Variants in HDAC4 observed in about 807,000 individuals in gnomAD.
HDAC4 encodes histone deacetylase 4.
Under a neutral mutation model 135.1 loss-of-function variants are expected in HDAC4, and 16 were observed. The ratio of observed to expected loss-of-function variants is 0.12; its 90% CI spans 0.08 to 0.18. The LOEUF is 0.18. Among genes scored for constraint, HDAC4 ranks in the 10% least tolerant of loss-of-function variants. The pLI is 1.00. For missense variants in HDAC4, 1,143 were observed against 1,511.8 expected, an observed-to-expected ratio of 0.76 and a Z score of 4.05; for synonymous variants, 685 against 653.4, an observed-to-expected ratio of 1.05 and a Z score of -0.74.
chr2:239,252,037 C>T (rs1413686734), intron 2 of HDAC4, among the ~76,000 whole-genome samples: 2 of 152,192 alleles, frequency 1.3e-5, no homozygotes, highest in Non-Finnish European at 2.9e-5. Context: ...AAAAATAGAG[C>T]CACCACCAGG....
At chr2:239,287,406 G>T (rs2051199461) in intron 2 of HDAC4, among the ~76,000 whole-genome samples, 1 of 152,176 alleles carries the variant, frequency 6.6e-6, no homozygotes, top group Non-Finnish European at 1.5e-5. Context: ...ATGTTTTTGG[G>T]AGGAAGGTCA....
chr2:239,065,017 G>C (rs2033286433), intron 24 of HDAC4, among the ~76,000 whole-genome samples: 1 of 152,228 alleles, frequency 6.6e-6, no homozygotes, highest in Non-Finnish European at 1.5e-5. Context: ...CTCCTGTGCG[G>C]CCTGACGTTT....
rs2152971656 is a variant in HDAC4 at position 239,163,913 on chromosome 2, G to A, written c.501C>T (p.Ala167=). The A allele has an allele frequency of 6.2e-7, 1 of 1,614,088 alleles. No homozygotes were observed. Among genetic ancestry groups the A allele is most frequent in the Non-Finnish European group, 8.5e-7 (1 of 1,180,030 alleles). Residue 167 remains alanine (A), a synonymous_variant, in exon 6 of 27, where the codon GCC becomes GCT. Coordinates refer to ENST00000543185, the MANE Select transcript of HDAC4 (RefSeq NM_001378414.1). ...NKEKGKESAV[A]STEVKMKLQE... ...GTAACTTCATCTTCACTTCTGTGCTGGCCACGGCACCTGGCGTGGGAGAAA... is the reference window on the plus strand; with the variant it reads ...GTAACTTCATCTTCACTTCTGTGCTAGCCACGGCACCTGGCGTGGGAGAAA...
chr2:239,139,900 G>C lies in HDAC4; in HGVS notation c.866-104C>G, dbSNP rs2041244120. On this transcript the variant is annotated intron_variant, in intron 8 of 26. Coordinates refer to ENST00000543185, the MANE Select transcript of HDAC4 (RefSeq NM_001378414.1). This position sits in a 1 kb window ranked among gnomAD's most constrained non-coding sequence, Gnocchi z 5.3. ...GTGCCTTCCACGGACCTGCTCGTTA[G>C]CTTGCGACAGGCAGAAGTCCCAACA... 4.9e-6 allele frequency: 4 copies of C among 821,190 alleles called. No homozygotes were observed. Among genetic ancestry groups the C allele is most frequent in the Non-Finnish European group, 8.2e-6 (4 of 485,546 alleles). 50.9% of individuals were successfully genotyped at this position (821,190 alleles called of 1,614,324 possible). A position where few individuals can be genotyped will look rare whatever the true frequency, so the allele number is the denominator to read the frequency against.
intron 13 of HDAC4, among the ~76,000 whole-genome samples, chr2:239,112,902 C>T (rs2038801147): frequency 6.6e-6 from 1 of 152,226 alleles, no homozygotes; most frequent in African/African-American, 2.4e-5. Flanking sequence ...GAAACCAGAG[C>T]TACCCGGCCA....
chr2:239,216,069 T>C (rs185382916), intron 3 of HDAC4, among the ~76,000 whole-genome samples: 118 of 152,320 alleles, frequency 7.7e-4, no homozygotes, highest in African/African-American at 2.7e-3. Context: ...AGCATATATA[T>C]GTACATGTGC....
At chr2:239,365,127 A>T (rs1444774926) in intron 1 of HDAC4, among the ~76,000 whole-genome samples, 1 of 152,198 alleles carries the variant, frequency 6.6e-6, no homozygotes, top group African/African-American at 2.4e-5. Context: ...GCTATATGAC[A>T]TTTCTGACTC....
At position 239,253,824 on chromosome 2, in the gene HDAC4, T is replaced by C. The variant is rs565715207; in HGVS notation, c.23-17160A>G. ...CCTGGGGCCCAAGAGTCATCAGAAC[T>C]GGAGACAGGCACCAGGGAGCCAGTG... On this transcript the variant is annotated intron_variant, in intron 2 of 26. Coordinates refer to ENST00000543185, the MANE Select transcript of HDAC4 (RefSeq NM_001378414.1). Among the ~76,000 whole-genome samples, 403 of 152,094 alleles carry C rather than the reference T, an allele frequency of 2.6e-3. 1 individual carries two copies. Among genetic ancestry groups the C allele is most frequent in the African/African-American group, 8.8e-3 (366 of 41,490 alleles).
At chr2:239,314,367 G>A (rs568569788) in intron 2 of HDAC4, among the ~76,000 whole-genome samples, 15 of 152,162 alleles carry the variant, frequency 9.9e-5, no homozygotes, top group Non-Finnish European at 2.2e-4. Flanking sequence ...GGGTCAGGCT[G>A]GAGCTAGAGG....
chr2:239,137,928 G>A (rs1328061943), intron 9 of HDAC4, among the ~76,000 whole-genome samples: 2 of 152,092 alleles, frequency 1.3e-5, no homozygotes, highest in Non-Finnish European at 2.9e-5. Context: ...TTTACGTATC[G>A]TGATTTCTAA....
At chr2:239,399,066 C>G (rs1696761333) in intron 1 of HDAC4, among the ~76,000 whole-genome samples, 1 of 152,168 alleles carries the variant, frequency 6.6e-6, no homozygotes, top group Non-Finnish European at 1.5e-5. Context: ...CCCTCCCACA[C>G]AAATGTGAGT....
At chr2:239,243,508 CAATG>C (rs2048309153) in intron 2 of HDAC4, among the ~76,000 whole-genome samples, 2 of 152,136 alleles carry the variant, frequency 1.3e-5, no homozygotes, top group Admixed American at 6.5e-5. Flanking sequence ...TAGACAAAAA[CAATG>C]AAACCGCTGT....
At chr2:239,110,119 T>A (rs1229504541) in intron 14 of HDAC4, among the ~76,000 whole-genome samples, 2 of 152,130 alleles carry the variant, frequency 1.3e-5, no homozygotes, top group Non-Finnish European at 2.9e-5. Flanking sequence ...TGAAACAAAT[T>A]ATGTTTGTGT....
At chr2:239,290,524 G>C (rs2051402683) in intron 2 of HDAC4, among the ~76,000 whole-genome samples, 1 of 152,198 alleles carries the variant, frequency 6.6e-6, no homozygotes, top group Non-Finnish European at 1.5e-5. Context: ...AGGGGATTTA[G>C]AGTGTCAATC....
chr2:239,362,413 A>G (rs13007725), intron 1 of HDAC4, among the ~76,000 whole-genome samples: 1 of 152,330 alleles, frequency 6.6e-6, no homozygotes, highest in Admixed American at 6.5e-5. Context: ...TAAGCCATAA[A>G]CCTTCCAAAG....
At chr2:239,243,384 C>A (rs1009978047) in intron 2 of HDAC4, among the ~76,000 whole-genome samples, 1 of 152,156 alleles carries the variant, frequency 6.6e-6, no homozygotes, top group Non-Finnish European at 1.5e-5. Context: ...GATCTCCTGA[C>A]CTTGTGATCC....
intron 7 of HDAC4, among the ~76,000 whole-genome samples, chr2:239,147,313 C>T (rs2041831688): frequency 6.6e-6 from 1 of 152,242 alleles, no homozygotes; most frequent in South Asian, 2.1e-4. Flanking sequence ...GCTTCCTGCC[C>T]TCCCTCATTA....
Position 239,132,577 on chromosome 2 carries a change from G to A in HDAC4, c.1294+1668C>T, listed in dbSNP as rs559894007. Among the ~76,000 whole-genome samples, 189 of 152,296 alleles carry A rather than the reference G, an allele frequency of 1.2e-3. 1 individual carries two copies. The highest frequency in any genetic ancestry group is 4.4e-3 in the African/African-American group (183 of 41,566). On this transcript the variant is annotated intron_variant, in intron 11 of 26. Coordinates refer to ENST00000543185, the MANE Select transcript of HDAC4 (RefSeq NM_001378414.1). ...ACGGTGGGCAGGTCCCCATGCCAAC[G>A]AGCAAGCTGCACCTGGGAGGAAAAG...
At chr2:239,087,509 G>C (rs2152710486) in intron 19 of HDAC4, 50 bp downstream of exon 19, 1 of 1,575,632 alleles carries the variant, frequency 6.3e-7, no homozygotes, top group Non-Finnish European at 8.7e-7. Context: ...CTAAGGGAGG[G>C]AAGGAAGACC....
Sources: allele counts gnomAD v4.1 joint callset (sites outside exome capture counted in the v4.1 genomes callset), GRCh38; gene constraint gnomAD v4.1.1; non-coding constraint Gnocchi (gnomAD v3.1); transcripts MANE v1.5; gene names NCBI Gene and HGNC (gene_info 2026-07-23, HGNC 2026-07-21).